The following STARD6 variants were observed in gnomAD, a reference collection of about 807,000 sequenced individuals.
The protein encoded by STARD6 is StAR related lipid transfer domain containing 6.
In STARD6, 21 loss-of-function variants were observed where a neutral mutation model predicts 22.3. That is an observed-to-expected ratio of 0.94 (90% CI 0.67 to 1.35). The LOEUF (loss-of-function observed/expected upper bound fraction) is 1.35. Among genes scored for constraint, STARD6 ranks in the 40% most tolerant of loss-of-function variants. STARD6 has a pLI of 0.00. For synonymous variants in STARD6, 80 were observed against 88.1 expected, an observed-to-expected ratio of 0.91 and a Z score of 0.52; for missense variants, 269 against 266.9, an observed-to-expected ratio of 1.01 and a Z score of -0.05.
At chr18:54,331,696 A>G in intron 6 of STARD6, 46 bp downstream of exon 6, 8 of 1,247,238 alleles carry the variant, frequency 6.4e-6, no homozygotes, top group Non-Finnish European at 9.2e-6. Flanking sequence ...ACATTTATTA[A>G]TGGCTCGCAG....
At position 54,331,821 on chromosome 18, in the gene STARD6, G is replaced by A. The variant is rs749442671; in HGVS notation, c.306C>T (p.Ala102=). The change falls in exon 6 of 8, where the codon GCC becomes GCT. Residue 102 remains alanine (A), a synonymous_variant. Coordinates refer to ENST00000307844, the MANE Select transcript of STARD6 (RefSeq NM_139171.2). Reference sequence around the variant, plus strand: ...AGTCTCGAGGGGAAATGGAGCCCACGGCAAAACTTTGTGTAATGGTATGAC... The same window carrying A: ...AGTCTCGAGGGGAAATGGAGCCCACAGCAAAACTTTGTGTAATGGTATGAC... ...FICHTITQSF[A]VGSISPRDFI... is the part of the protein sequence containing the mutation. 3.1e-6 allele frequency: 5 copies of A among 1,612,952 alleles called. No homozygotes were observed. The highest frequency in any genetic ancestry group is 1.3e-5 in the African/African-American group (1 of 74,858).
At chr18:54,345,583 T>A (rs1235802635) in intron 4 of STARD6, among the ~76,000 whole-genome samples, 1 of 151,982 alleles carries the variant, frequency 6.6e-6, no homozygotes, top group African/African-American at 2.4e-5. Context: ...GAGGCTGGAG[T>A]GTCTAAAATT....
intron 4 of STARD6, among the ~76,000 whole-genome samples, chr18:54,348,868 G>A (rs1039327999): frequency 1.3e-5 from 2 of 152,034 alleles, no homozygotes; most frequent in Non-Finnish European, 2.9e-5. Context: ...ATTAAGAAAA[G>A]GCATAAGTGT....
chr18:54,337,082 A>C (rs772576336), intron 5 of STARD6, 43 bp downstream of exon 5: 4 of 1,540,696 alleles, frequency 2.6e-6, no homozygotes, highest in Non-Finnish European at 3.5e-6. Context: ...TAAACTAAAA[A>C]TATATTAATG....
chr18:54,348,125 C>A lies in STARD6; in HGVS notation c.140+5929G>T, dbSNP rs549853842. ...CCTCCCCAGCTACATGGAACTGAGTCCATTAAACCTCTTTCTTTTGTAAAC... is the reference window on the plus strand; with the variant it reads ...CCTCCCCAGCTACATGGAACTGAGTACATTAAACCTCTTTCTTTTGTAAAC... On this transcript the variant is annotated intron_variant, in intron 4 of 7. Transcript: ENST00000307844. Among the ~76,000 whole-genome samples, 5 of 152,200 alleles carry A rather than the reference C, an allele frequency of 3.3e-5. No individual in the cohort carries two copies. In the South Asian group the frequency reaches 8.3e-4, roughly 25 times the overall value.
intron 7 of STARD6, among the ~76,000 whole-genome samples, chr18:54,325,827 G>A (rs1205196011): frequency 6.6e-6 from 1 of 152,074 alleles, no homozygotes; most frequent in Non-Finnish European, 1.5e-5. Context: ...TGGGATTACA[G>A]GTGTGACCCA....
At chr18:54,331,885 A>T (rs756275717) in intron 5 of STARD6, 26 bp from the exon 6 acceptor site, 5 of 1,457,450 alleles carry the variant, frequency 3.4e-6, no homozygotes, top group Non-Finnish European at 4.8e-6. Flanking sequence ...CCGTAAAGAT[A>T]ACAAACGTTA....
chr18:54,327,301 TA>T (rs1449561436), intron 7 of STARD6, among the ~76,000 whole-genome samples: 1 of 152,230 alleles, frequency 6.6e-6, no homozygotes, highest in Non-Finnish European at 1.5e-5. Context: ...TATATATTTT[TA>T]ATTGTTAGAT....
chr18:54,340,053 G>A (rs1352383536), intron 4 of STARD6, among the ~76,000 whole-genome samples: 2 of 152,042 alleles, frequency 1.3e-5, no homozygotes, highest in South Asian at 2.1e-4. Flanking sequence ...AAATAAGAAA[G>A]AATATATTTC....
chr18:54,349,626 C>T (rs2089075073), intron 4 of STARD6, among the ~76,000 whole-genome samples: 1 of 152,112 alleles, frequency 6.6e-6, no homozygotes, highest in Non-Finnish European at 1.5e-5. Context: ...ACACTGTACC[C>T]AATGTGTAGT....
chr18:54,348,408 G>T (rs1285987939), intron 4 of STARD6, among the ~76,000 whole-genome samples: 1 of 152,118 alleles, frequency 6.6e-6, no homozygotes, highest in Non-Finnish European at 1.5e-5. Flanking sequence ...TCCATCTCTG[G>T]ATAATCTGCC....
At chr18:54,356,946 A>T (rs2089151662) in intron 1 of STARD6, 1 of 152,248 alleles carries the variant, frequency 6.6e-6, no homozygotes, top group South Asian at 2.1e-4. Flanking sequence ...ACTGAACGTT[A>T]TAGCTTCCGG....
At chr18:54,347,950 C>T (rs75675689) in intron 4 of STARD6, among the ~76,000 whole-genome samples, 6 of 152,012 alleles carry the variant, frequency 3.9e-5, no homozygotes, top group African/African-American at 7.2e-5. Flanking sequence ...ATCATGGAGG[C>T]GGTTTCCCCC....
intron 5 of STARD6, among the ~76,000 whole-genome samples, chr18:54,334,060 A>G (rs2088888498): frequency 6.6e-6 from 1 of 152,210 alleles, no homozygotes; most frequent in South Asian, 2.1e-4. Flanking sequence ...TATTTTAAGT[A>G]TGTAGTTCAA....
At chr18:54,341,880 C>T (rs911566431) in intron 4 of STARD6, among the ~76,000 whole-genome samples, 1 of 152,002 alleles carries the variant, frequency 6.6e-6, no homozygotes, top group Non-Finnish European at 1.5e-5. Flanking sequence ...GAAGAGCAAA[C>T]TAAACCCAAA....
intron 5 of STARD6, among the ~76,000 whole-genome samples, chr18:54,336,238 A>G (rs1452391914): frequency 6.6e-6 from 1 of 152,118 alleles, no homozygotes; most frequent in African/African-American, 2.4e-5. Flanking sequence ...TCAACCTTCT[A>G]TATAATGTTA....
chr18:54,333,833 G>C (rs1225408171), intron 5 of STARD6, among the ~76,000 whole-genome samples: 1 of 152,090 alleles, frequency 6.6e-6, no homozygotes, highest in Non-Finnish European at 1.5e-5. Context: ...ATTTTTGTTT[G>C]CTTTGATAAA....
At position 54,331,802 on chromosome 18, in the gene STARD6, G is replaced by A. The variant is rs200226447; in HGVS notation, c.325C>T (p.Arg109Ter). The part of the protein sequence containing the change: ...QSFAVGSISP[R>*]DFIDLVYIKR... Reference sequence around the variant, plus strand: ...ATGTACACTAAGTCGATAAAGTCTCGAGGGGAAATGGAGCCCACGGCAAAA... The same window carrying A: ...ATGTACACTAAGTCGATAAAGTCTCAAGGGGAAATGGAGCCCACGGCAAAA... The change falls in exon 6 of 8, where the codon CGA becomes TGA. Residue 109 changes from arginine to a stop codon, truncating the protein, a stop_gained. Transcript: ENST00000307844. LOFTEE classifies it high-confidence loss of function. 49 of 1,613,302 alleles carry A rather than the reference G, an allele frequency of 3.0e-5. No homozygotes were observed. Among genetic ancestry groups the A allele is most frequent in the South Asian group, 2.4e-4 (22 of 90,928 alleles).
chr18:54,327,190 ATG>A (rs1426535077), intron 7 of STARD6, among the ~76,000 whole-genome samples: 1 of 152,208 alleles, frequency 6.6e-6, no homozygotes, highest in Non-Finnish European at 1.5e-5. Context: ...ATAATAAAAT[ATG>A]TGTTTCTAAT....
Sources: gnomAD v4.1 joint callset for allele counts (sites outside exome capture counted in the v4.1 genomes callset) on GRCh38, gnomAD v4.1.1 for gene constraint, MANE v1.5 for transcripts, NCBI Gene and HGNC (gene_info 2026-07-23, HGNC 2026-07-21) for gene names.